Variants in PHIP observed in about 807,000 individuals in gnomAD.
The protein encoded by PHIP is PH-interacting protein.
A neutral mutation model predicts 236.8 loss-of-function variants in PHIP; 54 were observed. That is an observed-to-expected ratio of 0.23 (90% CI 0.18 to 0.29). The LOEUF (loss-of-function observed/expected upper bound fraction) is 0.29, where lower values mean the gene tolerates loss of function less well. Ranked by LOEUF, PHIP falls within the 10% of genes least tolerant of loss-of-function variation. The pLI, the probability that PHIP is intolerant of heterozygous loss-of-function variation, is 1.00. For missense variants in PHIP, 1,370 were observed against 2,190.8 expected, an observed-to-expected ratio of 0.63 and a Z score of 7.48; for synonymous variants, 756 against 718.9, an observed-to-expected ratio of 1.05 and a Z score of -0.83.
In PHIP at chr6:78,945,324, T is replaced by C; in HGVS notation, c.4804A>G (p.Lys1602Glu). The change falls in exon 39 of 40, where the codon AAG (lysine) becomes GAG (glutamate). Residue 1602 changes from lysine to glutamate, a missense_variant. Coordinates refer to ENST00000275034, the MANE Select transcript of PHIP (RefSeq NM_017934.7). ...SVLPKASTLSKSSAVIEQGDC... is the reference protein window; with the variant it reads ...SVLPKASTLSESSAVIEQGDC... ...CCTTGCTCAATGACAGCTGATGACTTTGAAAGAGTGGACGCCTTTGGGAGT... is the reference window on the plus strand; with the variant it reads ...CCTTGCTCAATGACAGCTGATGACTCTGAAAGAGTGGACGCCTTTGGGAGT... The C allele has an allele frequency of 2.5e-6, 4 of 1,612,988 alleles. No individual in the cohort carries two copies. The highest frequency in any genetic ancestry group is 1.7e-5 in the Admixed American group (1 of 60,030).
At position 78,947,559 on chromosome 6, in the gene PHIP, T is replaced by A. The variant is rs978273414; in HGVS notation, c.4206+64A>T. 6.7e-6 allele frequency: 5 copies of A among 746,170 alleles called. No homozygotes were observed. The African/African-American group carries it at 8.9e-5, about 13-fold the overall frequency. 46.2% of individuals were successfully genotyped at this position (746,170 alleles called of 1,614,324 possible). On this transcript the variant is annotated intron_variant, in intron 36 of 39. Coordinates refer to ENST00000275034, the MANE Select transcript of PHIP (RefSeq NM_017934.7). Reference sequence around the variant, plus strand: ...ACCTAAATTTTAAGTAAAGCAACATTTAGTCATTTAACACACTCCTCTAAC... The same window carrying A: ...ACCTAAATTTTAAGTAAAGCAACATATAGTCATTTAACACACTCCTCTAAC...
chr6:79,069,652 C>T (rs1272755734), intron 4 of PHIP, among the ~76,000 whole-genome samples: 1 of 152,002 alleles, frequency 6.6e-6, no homozygotes, highest in East Asian at 1.9e-4. Context: ...TTCTCCCCAT[C>T]GACACGTAGA....
chr6:79,009,068 C>T (rs951248488), intron 15 of PHIP, among the ~76,000 whole-genome samples: 6 of 152,080 alleles, frequency 3.9e-5, no homozygotes, highest in Non-Finnish European at 4.4e-5. Flanking sequence ...TGTCCTCACA[C>T]TTATTCAATT....
intron 17 of PHIP, 88 bp downstream of exon 17, chr6:79,001,811 A>G: frequency 1.3e-6 from 1 of 792,292 alleles, no homozygotes; most frequent in Non-Finnish European, 2.2e-6. Context: ...TCCACTTAAC[A>G]ACTGCAAACA....
chr6:79,008,265 T>C (rs1262927255), intron 15 of PHIP, among the ~76,000 whole-genome samples: 3 of 152,254 alleles, frequency 2.0e-5, no homozygotes, highest in African/African-American at 7.2e-5. Context: ...CATGGCTGTT[T>C]TAATCTTGAA....
At chr6:79,026,599 C>A (rs1028201335) in intron 7 of PHIP, among the ~76,000 whole-genome samples, 1 of 151,974 alleles carries the variant, frequency 6.6e-6, no homozygotes, top group Non-Finnish European at 1.5e-5. Flanking sequence ...CTGTGAGTTT[C>A]CTATCACTGA....
At chr6:79,036,675 C>A (rs932932863) in intron 7 of PHIP, among the ~76,000 whole-genome samples, 13 of 152,116 alleles carry the variant, frequency 8.5e-5, no homozygotes, top group Admixed American at 5.9e-4. Context: ...GTAATCCCAG[C>A]ACTTTGGAGG....
At chr6:79,048,931 G>GT (rs1419876048) in intron 6 of PHIP, among the ~76,000 whole-genome samples, 6 of 152,178 alleles carry the variant, frequency 3.9e-5, no homozygotes, top group Non-Finnish European at 8.8e-5. Context: ...ACAAGAATAT[G>GT]TAACTCGGAA....
At position 78,955,088 on chromosome 6, in the gene PHIP, G is replaced by T. The variant is rs1171347130; in HGVS notation, c.3904-125C>A. The T allele has an allele frequency of 4.5e-6, 4 of 886,676 alleles. No homozygotes were observed. In the South Asian group the frequency reaches 8.0e-5, roughly 18 times the overall value. 54.9% of individuals were successfully genotyped at this position (886,676 alleles called of 1,614,324 possible). On this transcript the variant is annotated intron_variant, in intron 34 of 39. Coordinates refer to ENST00000275034, the MANE Select transcript of PHIP (RefSeq NM_017934.7). ...TCAAACAAAAGAAAATATTCACCAA[G>T]TTCTAAAAAACATACATTTTGTAAT... is the stretch of plus-strand genomic sequence containing the variant.
intron 7 of PHIP, among the ~76,000 whole-genome samples, chr6:79,033,117 C>T (rs1160943273): frequency 6.6e-6 from 1 of 151,780 alleles, no homozygotes; most frequent in Non-Finnish European, 1.5e-5. Context: ...ATTCAGTAAA[C>T]CACGCTATAA....
chr6:79,070,374 A>G lies in PHIP; in HGVS notation c.189+7074T>C, dbSNP rs186069875. On this transcript the variant is annotated intron_variant, in intron 4 of 39. Transcript: ENST00000275034. ...TCTTGAATGACCAGTTTCATTTTTAATGTTTCAGTTTCAAGCACAGTACTC... is the reference window on the plus strand; with the variant it reads ...TCTTGAATGACCAGTTTCATTTTTAGTGTTTCAGTTTCAAGCACAGTACTC... Among the ~76,000 whole-genome samples the G allele has an allele frequency of 6.4e-4, 97 of 152,316 alleles. 1 individual carries two copies. In the South Asian group the frequency reaches 8.1e-3, roughly 13 times the overall value.
intron 24 of PHIP, among the ~76,000 whole-genome samples, chr6:78,975,325 C>T (rs1041716569): frequency 2.0e-5 from 3 of 152,164 alleles, no homozygotes; most frequent in Non-Finnish European, 4.4e-5. Flanking sequence ...AATCAACAAC[C>T]TTTCATGCTA....
intron 20 of PHIP, 25 bp from the exon 21 acceptor site, chr6:78,988,374 T>C (rs755258331): frequency 7.8e-6 from 12 of 1,532,240 alleles, no homozygotes; most frequent in Non-Finnish European, 1.1e-5. Context: ...ATTAAATTTA[T>C]TCACAGATTG....
intron 7 of PHIP, among the ~76,000 whole-genome samples, chr6:79,029,184 T>C (rs571835037): frequency 8.8e-4 from 134 of 152,284 alleles, no homozygotes; most frequent in African/African-American, 3.2e-3. Context: ...TTTTTGACCA[T>C]CCTTTCACAA....
At chr6:79,003,124 T>C (rs1029986535) in intron 16 of PHIP, among the ~76,000 whole-genome samples, 2 of 152,086 alleles carry the variant, frequency 1.3e-5, no homozygotes, top group South Asian at 2.1e-4. Flanking sequence ...CTGAGCAAAG[T>C]GGCAGGGCAT....
intron 7 of PHIP, among the ~76,000 whole-genome samples, chr6:79,036,914 T>A: frequency 1.2e-5 from 1 of 80,816 alleles, no homozygotes; most frequent in African/African-American, 5.1e-5. Context: ...AGAGCAAGAC[T>A]CCGTCTCAAA....
chr6:79,048,278 T>G (rs776595010), intron 6 of PHIP, among the ~76,000 whole-genome samples: 2 of 152,192 alleles, frequency 1.3e-5, no homozygotes, highest in Admixed American at 1.3e-4. Flanking sequence ...TGGGCCCAAA[T>G]TTTCAATGCA....
At chr6:79,048,174 CAGAA>C (rs1266543918) in intron 6 of PHIP, among the ~76,000 whole-genome samples, 1 of 151,912 alleles carries the variant, frequency 6.6e-6, no homozygotes, top group Non-Finnish European at 1.5e-5. Flanking sequence ...TGAAAATAAA[CAGAA>C]AGTTACAAAA....
chr6:78,969,645 C>T (rs745897687), intron 27 of PHIP, among the ~76,000 whole-genome samples, 190 bp downstream of exon 27: 6 of 152,004 alleles, frequency 3.9e-5, no homozygotes, highest in African/African-American at 1.4e-4. Context: ...ATTTCAACAT[C>T]GACTGTTTTC....
Sources: gnomAD v4.1 joint callset for allele counts (sites outside exome capture counted in the v4.1 genomes callset) on GRCh38, gnomAD v4.1.1 for gene constraint, MANE v1.5 for transcripts, NCBI Gene and HGNC (gene_info 2026-07-23, HGNC 2026-07-21) for gene names.